ADH7: variants seen among roughly 807,000 people sequenced by gnomAD.
ADH7 encodes all-trans-retinol dehydrogenase [NAD(+)] ADH7.
ADH7 carries 41 observed loss-of-function variants against 34.4 expected under a neutral mutation model. The ratio of observed to expected loss-of-function variants is 1.19; its 90% CI spans 0.93 to 1.55. The LOEUF (loss-of-function observed/expected upper bound fraction) is 1.55. Ranked by LOEUF, ADH7 falls within the 40% of genes most tolerant of loss-of-function variation. The probability of loss-of-function intolerance (pLI) is 0.00; values close to 1 mark genes in which losing one functional copy is unlikely to be tolerated. For synonymous variants in ADH7, 180 were observed against 160.9 expected, an observed-to-expected ratio of 1.12 and a Z score of -0.90; for missense variants, 540 against 461.2, an observed-to-expected ratio of 1.17 and a Z score of -1.56.
chr4:99,434,895 T>G (rs1000518234), intron 1 of ADH7: 1 of 735,056 alleles, frequency 1.4e-6, no homozygotes, highest in African/African-American at 1.7e-5. Flanking sequence ...AGTGTCCTTG[T>G]GGAAACATTT....
chr4:99,419,321 G>A (rs1268196434), intron 6 of ADH7, among the ~76,000 whole-genome samples, 200 bp from the exon 7 acceptor site: 1 of 152,128 alleles, frequency 6.6e-6, no homozygotes, highest in Non-Finnish European at 1.5e-5. Context: ...GGCAGAAACA[G>A]CAATCAATGT....
intron 6 of ADH7, among the ~76,000 whole-genome samples, chr4:99,419,910 AT>A (rs1041186822): frequency 6.6e-6 from 1 of 152,062 alleles, no homozygotes; most frequent in Non-Finnish European, 1.5e-5. Context: ...GCTTTATTCC[AT>A]TTTTCCTAGT....
chr4:99,418,918 C>T (rs1426980616), intron 7 of ADH7, 68 bp downstream of exon 7: 28 of 1,572,938 alleles, frequency 1.8e-5, no homozygotes, highest in African/African-American at 2.7e-5. Flanking sequence ...AGGAAACAGG[C>T]TTCTCCCACT....
intron 5 of ADH7, 74 bp downstream of exon 5, chr4:99,427,699 C>A: frequency 2.9e-5 from 30 of 1,039,636 alleles, no homozygotes; most frequent in Non-Finnish European, 3.5e-5. Flanking sequence ...TTTTCCAAAA[C>A]TCTTCAAGAT....
intron 1 of ADH7, chr4:99,435,007 A>G (rs1722014830): frequency 8.7e-6 from 13 of 1,496,752 alleles, no homozygotes; most frequent in Non-Finnish European, 1.1e-5. Flanking sequence ...CTGACATTGG[A>G]TATACTATTT....
chr4:99,425,186 C>T (rs1009293699), intron 5 of ADH7, among the ~76,000 whole-genome samples: 2 of 151,852 alleles, frequency 1.3e-5, no homozygotes, highest in Non-Finnish European at 2.9e-5. Context: ...ATCATCATGA[C>T]AGGATCAAAT....
chr4:99,414,704 T>A (rs1721477700), intron 8 of ADH7, among the ~76,000 whole-genome samples: 1 of 152,308 alleles, frequency 6.6e-6, no homozygotes, highest in African/African-American at 2.4e-5. Flanking sequence ...AGTTATTTAT[T>A]TGCTTTCACA....
At chr4:99,424,253 C>G (rs1161612087) in intron 5 of ADH7, among the ~76,000 whole-genome samples, 5 of 152,296 alleles carry the variant, frequency 3.3e-5, no homozygotes, top group Non-Finnish European at 5.9e-5. Flanking sequence ...TGTTTTGGTA[C>G]CAGTACCATG....
At chr4:99,419,899 G>A (rs998741441) in intron 6 of ADH7, among the ~76,000 whole-genome samples, 2 of 152,124 alleles carry the variant, frequency 1.3e-5, no homozygotes, top group African/African-American at 4.8e-5. Context: ...GAGCAAAAGT[G>A]GCTTTATTCC....
chr4:99,426,799 C>G (rs1721818142), intron 5 of ADH7, among the ~76,000 whole-genome samples: 1 of 152,056 alleles, frequency 6.6e-6, no homozygotes, highest in African/African-American at 2.4e-5. Flanking sequence ...AACATTGATG[C>G]AAAAATCCTC....
chr4:99,420,942 A>C (rs1201092895), intron 5 of ADH7, 149 bp from the exon 6 acceptor site: 1 of 688,136 alleles, frequency 1.5e-6, no homozygotes, highest in East Asian at 2.8e-5. Context: ...TACAACTTAC[A>C]AGGGATGTGA....
chr4:99,429,700 T>A, intron 1 of ADH7, 67 bp from the exon 2 acceptor site: 1 of 1,095,336 alleles, frequency 9.1e-7, no homozygotes, highest in Non-Finnish European at 1.3e-6. Context: ...CCCTGACTAG[T>A]ATAAATATGA....
chr4:99,420,437 A>G (rs1721619984), intron 6 of ADH7, 96 bp downstream of exon 6: 1 of 1,315,420 alleles, frequency 7.6e-7, no homozygotes, highest in Middle Eastern at 2.1e-4. Flanking sequence ...AGATATTTCC[A>G]TTATTGACTA....
rs570534050 is a variant in ADH7, at chr4:99,422,509, G to A, written c.565-1716C>T. On this transcript the variant is annotated intron_variant, in intron 5 of 8. Transcript: ENST00000437033. ...CACACATCAGGGCCTGTTAGGAGGT[G>A]GGGGGTGAGGGGAGGGAACCTGGAG... Among the ~76,000 whole-genome samples the A allele has an allele frequency of 3.8e-4, 58 of 152,222 alleles. 2 individuals are homozygous for A. Among genetic ancestry groups the A allele is most frequent in the African/African-American group, 1.2e-3 (48 of 41,540 alleles).
At chr4:99,428,316 T>C in intron 3 of ADH7, 142 bp from the exon 4 acceptor site, 1 of 1,240,282 alleles carries the variant, frequency 8.1e-7, no homozygotes, top group Non-Finnish European at 1.1e-6. Context: ...GTTTGCCTTC[T>C]AAAGGTTGAG....
intron 7 of ADH7, 138 bp from the exon 8 acceptor site, chr4:99,415,754 G>C (rs1721502558): frequency 1.1e-6 from 1 of 877,708 alleles, no homozygotes; most frequent in Admixed American, 2.7e-5. Flanking sequence ...CAAATAAGCT[G>C]TATTTGTCCC....
rs1721868512 is a variant in ADH7 at position 99,428,591 on chromosome 4, T to A, written c.160A>T (p.Ile54Leu). ...AACTTGGACACCATTGTTCCTTTTA[T>A]CACATGGTCATCTGTGCGACAGATT... is the stretch of plus-strand genomic sequence containing the variant. ...TGICRTDDHV[I>L]KGTMVSKFPV... Residue 54 changes from isoleucine to leucine, a missense_variant, in exon 3 of 9, where the codon ATA (isoleucine) becomes TTA (leucine). Transcript: ENST00000437033. 6.2e-7 allele frequency: 1 copy of A among 1,613,902 alleles called. No individual in the cohort carries two copies. Among genetic ancestry groups the A allele is most frequent in the Non-Finnish European group, 8.5e-7 (1 of 1,179,876 alleles).
In ADH7 at chr4:99,420,796, G is replaced by A. The variant is rs1433254774; in HGVS notation, c.565-3C>T. 2 of 1,613,474 alleles carry A rather than the reference G, an allele frequency of 1.2e-6. No homozygotes were observed. Among genetic ancestry groups the A allele is most frequent in the Admixed American group, 1.7e-5 (1 of 59,882 alleles). On this transcript the variant is annotated splice_region_variant and splice_polypyrimidine_tract_variant and intron_variant, in intron 5 of 8. Coordinates refer to ENST00000437033, the MANE Select transcript of ADH7 (RefSeq NM_000673.7). Reference sequence around the variant, plus strand: ...ACGCAAGTGGAACCAGGTTTGACCTGTGGAGAGGAATGTTCTTGAACATGT... The same window carrying A: ...ACGCAAGTGGAACCAGGTTTGACCTATGGAGAGGAATGTTCTTGAACATGT...
chr4:99,413,533 AC>A (rs1721455324), intron 8 of ADH7, among the ~76,000 whole-genome samples: 1 of 152,200 alleles, frequency 6.6e-6, no homozygotes, highest in African/African-American at 2.4e-5. Context: ...TACTTCCCTC[AC>A]TTTATCCCAA....
Sources: allele counts gnomAD v4.1 joint callset (sites outside exome capture counted in the v4.1 genomes callset), GRCh38; gene constraint gnomAD v4.1.1; transcripts MANE v1.5; gene names NCBI Gene and HGNC (gene_info 2026-07-23, HGNC 2026-07-21).